The following KIF6 variants were observed in gnomAD, a reference collection of about 807,000 sequenced individuals.
KIF6 encodes kinesin family member 6.
Under a neutral mutation model 112.7 loss-of-function variants are expected in KIF6, and 106 were observed. The ratio of observed to expected loss-of-function variants is 0.94; its 90% CI spans 0.80 to 1.11. The LOEUF is 1.11. Ranked by LOEUF, KIF6 falls within the 50% of genes least tolerant of loss-of-function variation. KIF6 has a pLI of 0.00. For missense variants in KIF6, 929 were observed against 964.0 expected (o/e 0.96, Z 0.48); for synonymous variants, 339 against 339.9 (o/e 1.00, Z 0.03).
At chr6:39,668,371 G>A (rs1269871875) in intron 3 of KIF6, among the ~76,000 whole-genome samples, 1 of 152,120 alleles carries the variant, frequency 6.6e-6, no homozygotes, top group African/African-American at 2.4e-5. Context: ...ATAATCATAT[G>A]ATAAGTTCAA....
Position 39,342,486 on chromosome 6 carries a change from C to T in KIF6, c.2428+1223G>A, listed in dbSNP as rs1238862718. On this transcript the variant is annotated intron_variant, in intron 22 of 22. Transcript: ENST00000287152. This position sits in a 1 kb window ranked among gnomAD's most constrained non-coding sequence, Gnocchi z 4.7. ...GTGCCTGGCATAAGAAGGCACCCAA[C>T]ATATACAGTGTTTGCTGACTGATTG... 3.3e-5 allele frequency among the ~76,000 whole-genome samples: 5 copies of T among 152,156 alleles called. No individual in the cohort carries two copies. Among genetic ancestry groups the T allele is most frequent in the Admixed American group, 2.0e-4 (3 of 15,280 alleles).
At chr6:39,520,098 A>G (rs538846847) in intron 13 of KIF6, among the ~76,000 whole-genome samples, 2 of 152,280 alleles carry the variant, frequency 1.3e-5, no homozygotes, top group Non-Finnish European at 2.9e-5. Flanking sequence ...ATGAATCCAT[A>G]TAGACTTCCC....
chr6:39,357,020 T>C (rs1431586129), intron 19 of KIF6, among the ~76,000 whole-genome samples: 1 of 152,198 alleles, frequency 6.6e-6, no homozygotes, highest in Non-Finnish European at 1.5e-5. Context: ...CAGGGCTTGA[T>C]TGTGAAACCT....
chr6:39,570,142 T>C (rs180972737), intron 10 of KIF6, among the ~76,000 whole-genome samples: 2 of 152,336 alleles, frequency 1.3e-5, no homozygotes, highest in Non-Finnish European at 2.9e-5. Flanking sequence ...TAGTCTTAAA[T>C]TATTTAATGT....
chr6:39,489,594 A>G (rs1281273062), intron 13 of KIF6, among the ~76,000 whole-genome samples: 1 of 152,182 alleles, frequency 6.6e-6, no homozygotes, highest in Admixed American at 6.6e-5. Context: ...AACAGCAGCC[A>G]TATTTCAGTG....
intron 15 of KIF6, among the ~76,000 whole-genome samples, chr6:39,390,031 CAAAAAAAA>C (rs943420819): frequency 2.3e-5 from 1 of 43,558 alleles, no homozygotes; most frequent in Non-Finnish European, 4.6e-5. Context: ...ACTCTGTCTC[CAAAAAAAA>C]AAAAAAAAAA....
chr6:39,494,166 A>AAAGT (rs1367688140), intron 13 of KIF6, among the ~76,000 whole-genome samples: 9 of 152,136 alleles, frequency 5.9e-5, no homozygotes, highest in African/African-American at 2.2e-4. Flanking sequence ...TATAGCTTGG[A>AAAGT]AAGTAAGGTT....
At chr6:39,595,584 A>T (rs557867004) in intron 7 of KIF6, among the ~76,000 whole-genome samples, 1 of 152,392 alleles carries the variant, frequency 6.6e-6, no homozygotes, top group Admixed American at 6.5e-5. Flanking sequence ...ATGTATAAAC[A>T]GCATGTGACG....
At chr6:39,683,802 T>C (rs1339293498) in intron 3 of KIF6, among the ~76,000 whole-genome samples, 1 of 151,968 alleles carries the variant, frequency 6.6e-6, no homozygotes, top group East Asian at 1.9e-4. Flanking sequence ...GACACCAAGA[T>C]GGAATTAGAT....
chr6:39,643,509 T>C (rs931211202), intron 3 of KIF6, among the ~76,000 whole-genome samples: 3 of 152,134 alleles, frequency 2.0e-5, no homozygotes, highest in African/African-American at 7.2e-5. Flanking sequence ...AATCCAGAAA[T>C]AGACCCTTAT....
At chr6:39,596,297 A>C in intron 6 of KIF6, 37 bp from the exon 7 acceptor site, 1 of 1,355,586 alleles carries the variant, frequency 7.4e-7, no homozygotes, top group Non-Finnish European at 1.1e-6. Flanking sequence ...TATTTGAACA[A>C]TGAAAATTTT....
intron 13 of KIF6, among the ~76,000 whole-genome samples, chr6:39,464,413 A>C (rs1041878037): frequency 6.6e-6 from 1 of 152,222 alleles, no homozygotes; most frequent in African/African-American, 2.4e-5. Context: ...CAATTAGATC[A>C]ATGTCTGCTT....
intron 3 of KIF6, among the ~76,000 whole-genome samples, chr6:39,677,539 ATT>A (rs1023921005): frequency 2.7e-5 from 4 of 147,028 alleles, no homozygotes; most frequent in African/African-American, 1.0e-4. Context: ...TTATTTATTT[ATT>A]TTTATTTTAC....
intron 3 of KIF6, among the ~76,000 whole-genome samples, chr6:39,640,494 G>A (rs569087186): frequency 5.1e-4 from 77 of 152,148 alleles, no homozygotes; most frequent in Non-Finnish European, 1.0e-3. Context: ...CTTTATGTTC[G>A]TTTTTTGATA....
At chr6:39,347,705 G>A (rs1763914495) in intron 19 of KIF6, among the ~76,000 whole-genome samples, 1 of 152,230 alleles carries the variant, frequency 6.6e-6, no homozygotes, top group Non-Finnish European at 1.5e-5. Flanking sequence ...CGGCTCCGCG[G>A]AGTCTGCATC....
intron 3 of KIF6, among the ~76,000 whole-genome samples, chr6:39,677,867 A>AT (rs924226764): frequency 1.4e-5 from 2 of 139,598 alleles, no homozygotes; most frequent in African/African-American, 2.7e-5. Flanking sequence ...TGAACTCATC[A>AT]TTTTTTATGG....
chr6:39,340,780 G>T (rs1763285662), intron 22 of KIF6, among the ~76,000 whole-genome samples: 1 of 152,120 alleles, frequency 6.6e-6, no homozygotes, highest in Non-Finnish European at 1.5e-5. Flanking sequence ...TCTGTTTGGA[G>T]AGAGTTAGAT....
intron 3 of KIF6, among the ~76,000 whole-genome samples, chr6:39,697,412 A>G (rs1788607453): frequency 2.0e-5 from 3 of 152,182 alleles, no homozygotes; most frequent in Admixed American, 6.5e-5. Flanking sequence ...ACTGAGACTG[A>G]AGTCAACATA....
intron 5 of KIF6, among the ~76,000 whole-genome samples, chr6:39,625,071 G>T (rs551742726): frequency 1.5e-4 from 22 of 151,112 alleles, no homozygotes; most frequent in African/African-American, 4.1e-4. Context: ...AGGCAAGAAG[G>T]CAACAGTCTG....
Sources: allele counts gnomAD v4.1 joint callset (sites outside exome capture counted in the v4.1 genomes callset), GRCh38; gene constraint gnomAD v4.1.1; non-coding constraint Gnocchi (gnomAD v3.1); transcripts MANE v1.5; gene names NCBI Gene and HGNC (gene_info 2026-07-23, HGNC 2026-07-21).